The following ATOH8 variants were observed in gnomAD, a reference collection of about 807,000 sequenced individuals.
ATOH8 encodes transcription factor ATOH8.
Under a neutral mutation model 21.2 loss-of-function variants are expected in ATOH8, and 9 were observed. The ratio of observed to expected loss-of-function variants is 0.42; its 90% CI spans 0.26 to 0.74. ATOH8 has a LOEUF of 0.74. Among genes scored for constraint, ATOH8 ranks in the 30% least tolerant of loss-of-function variants. The pLI is 0.24. For synonymous variants in ATOH8, 253 were observed against 224.0 expected (o/e 1.13, Z -1.16); for missense variants, 524 against 470.9 (o/e 1.11, Z -1.04).
Position 85,763,023 on chromosome 2 carries a change from C to T in ATOH8, c.769-968C>T, listed in dbSNP as rs146272675. On this transcript the variant is annotated intron_variant, in intron 1 of 2. Coordinates refer to ENST00000306279, the MANE Select transcript of ATOH8 (RefSeq NM_032827.7). ...GAGTTCATCAATGATATGGATGCCA[C>T]GTGTAGATCCTCAAGAGCCATAGCG... Among the ~76,000 whole-genome samples the T allele has an allele frequency of 4.1e-3, 617 of 152,162 alleles. 2 individuals carry two copies. The highest frequency in any genetic ancestry group is 0.014 in the African/African-American group (574 of 41,500).
chr2:85,784,946 C>A (rs79922307), intron 2 of ATOH8, among the ~76,000 whole-genome samples: 1 of 152,318 alleles, frequency 6.6e-6, no homozygotes, highest in East Asian at 1.9e-4. Context: ...TGGTGGTGGT[C>A]CAGTGTAGAC....
intron 2 of ATOH8, among the ~76,000 whole-genome samples, chr2:85,769,460 G>A (rs1680119541): frequency 6.6e-6 from 1 of 152,228 alleles, no homozygotes; most frequent in Non-Finnish European, 1.5e-5. Context: ...TTTGCTCCTG[G>A]CCCTGTGGGT....
At chr2:85,773,049 C>T (rs1206177932) in intron 2 of ATOH8, 2 of 358,086 alleles carry the variant, frequency 5.6e-6, no homozygotes, top group Non-Finnish European at 1.1e-5. Context: ...TGTTGAGGCT[C>T]AAAACAGGCA....
rs1289710484 is a variant in ATOH8, at chr2:85,789,778, TAAG to T, written c.*2891_*2893del. Among the ~76,000 whole-genome samples the T allele has an allele frequency of 6.6e-6, 1 of 152,142 alleles. No individual in the cohort carries two copies. The highest frequency in any genetic ancestry group is 1.5e-5 in the Non-Finnish European group (1 of 68,028). On this transcript the variant is annotated 3_prime_UTR_variant, in exon 3 of 3. Coordinates refer to ENST00000306279, the MANE Select transcript of ATOH8 (RefSeq NM_032827.7). ...GGTCTAAGTGGGGTCTGGTCTACGA[TAAG>T]AAAGTGACTTTGAGCCATCGATTTG...
At chr2:85,778,058 T>C (rs1680378356) in intron 2 of ATOH8, among the ~76,000 whole-genome samples, 1 of 152,252 alleles carries the variant, frequency 6.6e-6, no homozygotes, top group Admixed American at 6.5e-5. Flanking sequence ...TACTAAGCAC[T>C]GAGTGCTTGG....
At chr2:85,768,826 A>G (rs1207818972) in intron 2 of ATOH8, among the ~76,000 whole-genome samples, 1 of 152,172 alleles carries the variant, frequency 6.6e-6, no homozygotes, top group Admixed American at 6.5e-5. Flanking sequence ...GGCCTCACAG[A>G]TCATGACTTT....
chr2:85,757,396 C>T (rs868610759), intron 1 of ATOH8, among the ~76,000 whole-genome samples: 2 of 152,220 alleles, frequency 1.3e-5, no homozygotes, highest in Non-Finnish European at 2.9e-5. Flanking sequence ...CGAATCCAGA[C>T]GAGCTGCAGC....
chr2:85,784,841 C>T (rs1027180428), intron 2 of ATOH8, among the ~76,000 whole-genome samples: 2 of 152,232 alleles, frequency 1.3e-5, no homozygotes, highest in Admixed American at 1.3e-4. Context: ...AAAGTCCTGG[C>T]ACCTGAGGCC....
chr2:85,755,398 G>GC, intron 1 of ATOH8, among the ~76,000 whole-genome samples: 1 of 152,280 alleles, frequency 6.6e-6, no homozygotes, highest in Middle Eastern at 3.4e-3. Context: ...GGAGTTGTCA[G>GC]CCCCTCTTCA....
chr2:85,769,251 G>T (rs1384643780), intron 2 of ATOH8, among the ~76,000 whole-genome samples: 2 of 152,342 alleles, frequency 1.3e-5, no homozygotes, highest in Middle Eastern at 3.4e-3. Flanking sequence ...CATGTTTTGA[G>T]CCCTGGCAAT....
intron 2 of ATOH8, chr2:85,774,931 C>T: frequency 2.1e-6 from 2 of 960,296 alleles, no homozygotes; most frequent in Non-Finnish European, 2.5e-6. Flanking sequence ...CTCCTGAAAG[C>T]CCTCCCTGAC....
chr2:85,762,146 A>C (rs1679888441), intron 1 of ATOH8, among the ~76,000 whole-genome samples: 1 of 152,186 alleles, frequency 6.6e-6, no homozygotes, highest in Non-Finnish European at 1.5e-5. Flanking sequence ...TACTCAATGC[A>C]ATGCACACAT....
intron 2 of ATOH8, among the ~76,000 whole-genome samples, chr2:85,779,056 T>TGGGTACTCCAGCCC (rs1680412701): frequency 1.3e-5 from 2 of 151,634 alleles, no homozygotes; most frequent in South Asian, 4.2e-4. Flanking sequence ...TCCTCCAGCC[T>TGGGTACTCCAGCCC]GGGTGCCTCC....
At chr2:85,755,020 A>T (rs1179245544) in intron 1 of ATOH8, 63 bp downstream of exon 1, 1 of 1,499,282 alleles carries the variant, frequency 6.7e-7, no homozygotes, top group Non-Finnish European at 8.8e-7. Flanking sequence ...TGGGTGGGCG[A>T]GTGGCCGGGG....
rs1292926214 is a variant in ATOH8 at position 85,764,131 on chromosome 2, G to A, written c.909G>A (p.Val303=). 5 of 1,614,066 alleles carry A rather than the reference G, an allele frequency of 3.1e-6. No individual in the cohort carries two copies. The highest frequency in any genetic ancestry group is 4.2e-6 in the Non-Finnish European group (5 of 1,180,042). Residue 303 remains valine (V), a synonymous_variant, in exon 2 of 3, where the codon GTG becomes GTA. Transcript: ENST00000306279. Reference sequence around the variant, plus strand: ...GCAACCTCAGCTTCTCCGAGTGTGTGCAGCGCTGCACCCGCACCCTGCAGG... The same window carrying A: ...GCAACCTCAGCTTCTCCGAGTGTGTACAGCGCTGCACCCGCACCCTGCAGG... The part of the protein sequence containing the change: ...DHSNLSFSEC[V]QRCTRTLQAE...
At position 85,766,853 on chromosome 2, in the gene ATOH8, C is replaced by A. The variant is rs1267351499; in HGVS notation, c.960+2671C>A. On this transcript the variant is annotated intron_variant, in intron 2 of 2. Coordinates refer to ENST00000306279, the MANE Select transcript of ATOH8 (RefSeq NM_032827.7). This position sits in a 1 kb window ranked among gnomAD's most constrained non-coding sequence, Gnocchi z 4.0. ...CTCTCTGAGTCTGGCTCACACTGTT[C>A]CCCTCTTTATCCGCTCTCTTGGTGG... Among the ~76,000 whole-genome samples the A allele has an allele frequency of 6.6e-6, 1 of 152,196 alleles. No homozygotes were observed. Among genetic ancestry groups the A allele is most frequent in the Non-Finnish European group, 1.5e-5 (1 of 68,040 alleles).
chr2:85,754,565 C>T lies in ATOH8; in HGVS notation c.376C>T (p.Pro126Ser), dbSNP rs1282070740. ...GGGGCCAGGACTCCCCACGCCGCCG[C>T]CGCCGCCGCCTCCTGCGCCCCAGAG... is the stretch of plus-strand genomic sequence containing the variant. ...AVGPGLPTPP[P>S]PPPPAPQSQA... is the part of the protein sequence containing the mutation. The change falls in exon 1 of 3, where the codon CCG (proline) becomes TCG (serine). Residue 126 changes from proline (P) to serine (S), a missense_variant. By Grantham distance (74) the Pro-to-Ser change is moderately conservative (BLOSUM62 -1). Transcript: ENST00000306279. 5 of 1,440,170 alleles carry T rather than the reference C, an allele frequency of 3.5e-6. No individual in the cohort carries two copies. Among genetic ancestry groups the T allele is most frequent in the South Asian group, 1.4e-5 (1 of 69,412 alleles). The allele number at this position is 1,440,170 out of a possible 1,614,324, so 89.2% of individuals were successfully genotyped here.
intron 1 of ATOH8, among the ~76,000 whole-genome samples, chr2:85,761,122 AG>A (rs1558608897): frequency 6.6e-6 from 1 of 151,946 alleles, no homozygotes; most frequent in Non-Finnish European, 1.5e-5. Flanking sequence ...GGAGAAGGAG[AG>A]GGGAGCAACC....
chr2:85,754,811 G>T lies in ATOH8; in HGVS notation c.622G>T (p.Ala208Ser). The change falls in exon 1 of 3, where the codon GCG becomes TCG. Residue 208 changes from alanine to serine, a missense_variant. By Grantham distance (99) the Ala-to-Ser change is moderately conservative. Coordinates refer to ENST00000306279, the MANE Select transcript of ATOH8 (RefSeq NM_032827.7). ...VIYNNHQDSSASPRKRPGEAT... is the reference protein window; with the variant it reads ...VIYNNHQDSSSSPRKRPGEAT... ...TTACAATAACCACCAGGATTCCTCC[G>T]CGTCGCCTAGGAAACGACCGGGCGA... The T allele has an allele frequency of 6.2e-7, 1 of 1,612,818 alleles. No homozygotes were observed. The highest frequency in any genetic ancestry group is 8.5e-7 in the Non-Finnish European group (1 of 1,179,912).
Sources: allele counts gnomAD v4.1 joint callset (sites outside exome capture counted in the v4.1 genomes callset), GRCh38; gene constraint gnomAD v4.1.1; non-coding constraint Gnocchi (gnomAD v3.1); transcripts MANE v1.5; gene names NCBI Gene and HGNC (gene_info 2026-07-23, HGNC 2026-07-21).